Variants in ZFYVE9 observed in about 807,000 individuals in gnomAD.
The protein encoded by ZFYVE9 is zinc finger FYVE-type containing 9.
ZFYVE9 carries 43 observed loss-of-function variants against 126.7 expected under a neutral mutation model. The observed-to-expected ratio is 0.34, with a 90% CI of 0.27 to 0.44. The LOEUF (loss-of-function observed/expected upper bound fraction) is 0.44. ZFYVE9 is among the 20% of genes least tolerant of loss of function. The pLI, the probability that ZFYVE9 is intolerant of heterozygous loss-of-function variation, is 1.00. For synonymous variants in ZFYVE9, 521 were observed against 597.4 expected (o/e 0.87, Z 1.87); for missense variants, 1,476 against 1,697.0 (o/e 0.87, Z 2.29).
chr1:52,290,606 C>CT (rs1181636780), intron 10 of ZFYVE9, among the ~76,000 whole-genome samples: 2 of 152,112 alleles, frequency 1.3e-5, no homozygotes, highest in Non-Finnish European at 1.5e-5. Flanking sequence ...ATTCCAGGAT[C>CT]TAGGGAGGTG....
intron 7 of ZFYVE9, among the ~76,000 whole-genome samples, chr1:52,271,078 A>G (rs2147805645): frequency 6.6e-6 from 1 of 152,310 alleles, no homozygotes; most frequent in South Asian, 2.1e-4. Flanking sequence ...AGTCCCAGCT[A>G]CTCAGGAGGC....
chr1:52,236,050 A>G (rs767296796), intron 3 of ZFYVE9, among the ~76,000 whole-genome samples: 17 of 152,174 alleles, frequency 1.1e-4, no homozygotes, highest in African/African-American at 3.9e-4. Flanking sequence ...TGCAGTTTCC[A>G]AGAACCTATC....
chr1:52,293,329 A>G, intron 10 of ZFYVE9, 124 bp from the exon 11 acceptor site: 1 of 805,206 alleles, frequency 1.2e-6, no homozygotes, highest in East Asian at 3.1e-5. Context: ...CAGTGAGCCA[A>G]GATTGCGCCA....
At chr1:52,255,081 A>C (rs1569595221) in intron 4 of ZFYVE9, among the ~76,000 whole-genome samples, 1 of 149,968 alleles carries the variant, frequency 6.7e-6, no homozygotes, top group African/African-American at 2.5e-5. Context: ...GATAAACGAG[A>C]CCATGTCTCA....
intron 1 of ZFYVE9, among the ~76,000 whole-genome samples, chr1:52,181,046 C>A (rs1644695819): frequency 6.6e-6 from 1 of 150,662 alleles, no homozygotes; most frequent in East Asian, 2.0e-4. Context: ...TGGAACTCGT[C>A]CCTCTCCCTC....
At chr1:52,271,378 G>C (rs899660956) in intron 7 of ZFYVE9, among the ~76,000 whole-genome samples, 60 of 152,228 alleles carry the variant, frequency 3.9e-4, no homozygotes, top group African/African-American at 1.4e-3. Context: ...TGGTCTAGTA[G>C]AGTGCCTGGC....
chr1:52,180,970 C>A (rs1378146516), intron 1 of ZFYVE9, among the ~76,000 whole-genome samples: 2 of 131,090 alleles, frequency 1.5e-5, no homozygotes, highest in African/African-American at 5.9e-5. Context: ...AGCAAAACTC[C>A]GTCTCAAAAA....
At chr1:52,168,214 C>CTTTTTTT (rs139943554) in intron 1 of ZFYVE9, among the ~76,000 whole-genome samples, 15 of 114,988 alleles carry the variant, frequency 1.3e-4, no homozygotes, top group African/African-American at 2.1e-4. Context: ...TCTTCGTCTT[C>CTTTTTTT]TTTTTTTTTT....
intron 1 of ZFYVE9, among the ~76,000 whole-genome samples, chr1:52,186,674 C>T (rs894455689): frequency 1.3e-5 from 2 of 152,142 alleles, no homozygotes; most frequent in Admixed American, 6.5e-5. Context: ...TGACAGCAGC[C>T]AAGCTGAGAG....
chr1:52,342,327 G>A (rs1193755027), intron 17 of ZFYVE9, among the ~76,000 whole-genome samples: 7 of 148,260 alleles, frequency 4.7e-5, no homozygotes, highest in African/African-American at 1.2e-4. Flanking sequence ...GTGCAGTGGC[G>A]CAATCTCGGC....
intron 1 of ZFYVE9, among the ~76,000 whole-genome samples, chr1:52,210,998 G>A (rs1288000324): frequency 1.3e-5 from 2 of 152,182 alleles, no homozygotes. Flanking sequence ...TAGTCAGACA[G>A]TGGCTGGGCT....
chr1:52,219,938 C>A (rs571127561), intron 2 of ZFYVE9, among the ~76,000 whole-genome samples: 2 of 151,862 alleles, frequency 1.3e-5, no homozygotes, highest in Non-Finnish European at 2.9e-5. Flanking sequence ...CCACCACGCC[C>A]GGCTAATTTT....
intron 4 of ZFYVE9, among the ~76,000 whole-genome samples, chr1:52,251,336 A>G (rs1254545990): frequency 6.6e-6 from 1 of 152,096 alleles, no homozygotes; most frequent in Non-Finnish European, 1.5e-5. Flanking sequence ...GGTTTTTAAT[A>G]TATGGCCTTT....
chr1:52,274,812 T>C (rs1468660725), intron 8 of ZFYVE9, among the ~76,000 whole-genome samples: 1 of 152,094 alleles, frequency 6.6e-6, no homozygotes, highest in Non-Finnish European at 1.5e-5. Context: ...ATATTACTTA[T>C]AATGTAAATG....
At chr1:52,163,893 T>C (rs1168001347) in intron 1 of ZFYVE9, among the ~76,000 whole-genome samples, 1 of 151,886 alleles carries the variant, frequency 6.6e-6, no homozygotes, top group Non-Finnish European at 1.5e-5. Context: ...TTCAGATGGG[T>C]AGATATTTAT....
chr1:52,182,363 AAAG>A (rs1182044965), intron 1 of ZFYVE9, among the ~76,000 whole-genome samples: 1 of 152,120 alleles, frequency 6.6e-6, no homozygotes, highest in Non-Finnish European at 1.5e-5. Flanking sequence ...GTCTGTGTAG[AAAG>A]AAGTAGACAT....
chr1:52,268,062 G>A (rs1016000180), intron 6 of ZFYVE9, among the ~76,000 whole-genome samples: 2 of 151,948 alleles, frequency 1.3e-5, no homozygotes, highest in African/African-American at 4.8e-5. Flanking sequence ...TAATTTCTTT[G>A]GAAACCTCAT....
At chr1:52,331,253 A>G (rs576031377) in intron 13 of ZFYVE9, among the ~76,000 whole-genome samples, 3 of 152,252 alleles carry the variant, frequency 2.0e-5, no homozygotes, top group African/African-American at 7.2e-5. Context: ...ATTTTAAAGG[A>G]TTAGATCAGA....
chr1:52,210,451 T>C (rs1645017300), intron 1 of ZFYVE9, among the ~76,000 whole-genome samples: 1 of 152,158 alleles, frequency 6.6e-6, no homozygotes, highest in Non-Finnish European at 1.5e-5. Flanking sequence ...GTGGCTACCA[T>C]CAGTGGGTCA....
Sources: allele counts gnomAD v4.1 joint callset (sites outside exome capture counted in the v4.1 genomes callset), GRCh38; gene constraint gnomAD v4.1.1; transcripts MANE v1.5; gene names NCBI Gene and HGNC (gene_info 2026-07-23, HGNC 2026-07-21).